TNS3: variants seen among roughly 807,000 people sequenced by gnomAD.
The protein encoded by TNS3 is tensin-3.
TNS3 carries 45 observed loss-of-function variants against 140.9 expected under a neutral mutation model. The ratio of observed to expected loss-of-function variants is 0.32; its 90% CI spans 0.25 to 0.41. The LOEUF is 0.41. TNS3 is among the 10% of genes least tolerant of loss of function. TNS3 has a pLI of 1.00. For missense variants in TNS3, 1,716 were observed against 1,906.7 expected, an observed-to-expected ratio of 0.90 and a Z score of 1.86; for synonymous variants, 815 against 788.4, an observed-to-expected ratio of 1.03 and a Z score of -0.56.
At chr7:47,519,984 T>C (rs892481029) in intron 2 of TNS3, among the ~76,000 whole-genome samples, 1 of 151,680 alleles carries the variant, frequency 6.6e-6, no homozygotes, top group Admixed American at 6.6e-5. Flanking sequence ...CCACCACACC[T>C]GCTAATTTTT....
chr7:47,368,846 C>A lies in TNS3; in HGVS notation c.1800G>T (p.Gln600His), dbSNP rs2293362. ...CCTCCCCATCTGGGGCGAAGCTATA[C>A]TGGTGAGCTACAACCATCTGCTGCT... ...VRQQQMVVAHQYSFAPDGEAR... is the reference protein window; with the variant it reads ...VRQQQMVVAHHYSFAPDGEAR... Residue 600 changes from glutamine (Q) to histidine (H), a missense_variant, in exon 17 of 31, where the codon CAG (glutamine) becomes CAT (histidine). Gln to His is a conservative substitution (Grantham distance 24). Around this residue, in one of 3 missense-constraint regions of TNS3, gnomAD observed 1,163 missense variants for 1,182.1 expected, o/e 0.98. Coordinates refer to ENST00000311160, the MANE Select transcript of TNS3 (RefSeq NM_022748.12). 1 of 1,613,552 alleles carries A rather than the reference C, an allele frequency of 6.2e-7. No homozygotes were observed. Among genetic ancestry groups the A allele is most frequent in the Non-Finnish European group, 8.5e-7 (1 of 1,179,918 alleles).
chr7:47,351,286 T>A (rs1789655926), intron 17 of TNS3, among the ~76,000 whole-genome samples: 1 of 152,218 alleles, frequency 6.6e-6, no homozygotes, highest in South Asian at 2.1e-4. Flanking sequence ...GATAGCCATA[T>A]GAAAATTAAT....
chr7:47,368,620 T>A lies in TNS3; in HGVS notation c.2026A>T (p.Asn676Tyr), dbSNP rs1465605214. ...KPRFPGDQVVNGAGPELSTGP... is the reference protein window; with the variant it reads ...KPRFPGDQVVYGAGPELSTGP... The stretch of plus-strand genomic sequence containing the variant: ...GTGCTCAGCTCTGGGCCGGCTCCAT[T>A]CACAACCTGGTCTCCTGGAAACCTG... The change falls in exon 17 of 31, where the codon AAT (asparagine) becomes TAT (tyrosine). Residue 676 changes from asparagine to tyrosine, a missense_variant. By Grantham distance (143) the Asn-to-Tyr change is moderately radical. Transcript: ENST00000311160. 6.3e-7 allele frequency: 1 copy of A among 1,595,628 alleles called. No individual in the cohort carries two copies. The highest frequency in any genetic ancestry group is 8.5e-7 in the Non-Finnish European group (1 of 1,171,298).
At chr7:47,414,526 T>G (rs111932914) in intron 11 of TNS3, among the ~76,000 whole-genome samples, 6 of 152,190 alleles carry the variant, frequency 3.9e-5, no homozygotes, top group African/African-American at 1.4e-4. Context: ...CCCTCGGCCA[T>G]ATACTCTGTG....
intron 28 of TNS3, among the ~76,000 whole-genome samples, chr7:47,282,012 GCCCTGAGCCTGA>G (rs1363071932): frequency 6.6e-6 from 1 of 150,688 alleles, no homozygotes; most frequent in Non-Finnish European, 1.5e-5. Context: ...GCCTGGCCAT[GCCCTGAGCCTGA>G]CCCTGAGCCC....
At chr7:47,340,112 T>C (rs1262317932) in intron 20 of TNS3, among the ~76,000 whole-genome samples, 1 of 47,558 alleles carries the variant, frequency 2.1e-5, no homozygotes, top group African/African-American at 8.8e-5. Flanking sequence ...TATATATATA[T>C]ATATTTTTTT....
intron 1 of TNS3, among the ~76,000 whole-genome samples, chr7:47,562,906 G>A (rs554508444): frequency 6.6e-6 from 1 of 152,314 alleles, no homozygotes; most frequent in South Asian, 2.1e-4. Context: ...CAAGGCACAC[G>A]GAAGATGGGT....
chr7:47,346,143 G>A (rs116836184), intron 18 of TNS3, 44 bp downstream of exon 18: 2 of 1,603,334 alleles, frequency 1.2e-6, no homozygotes, highest in African/African-American at 1.3e-5. Context: ...ACAAGAAAGG[G>A]AGTGGAATGG....
In TNS3 at chr7:47,369,365, C is replaced by T. The variant is rs1790917153; in HGVS notation, c.1281G>A (p.Gln427=). 1.2e-6 allele frequency: 2 copies of T among 1,614,168 alleles called. No homozygotes were observed. The highest frequency in any genetic ancestry group is 8.5e-7 in the Non-Finnish European group (1 of 1,180,036). ...LSAQEKAELD[Q]LLSGFGLEDP... is the part of the protein sequence containing the mutation. The stretch of plus-strand genomic sequence containing the variant: ...CTTCCAGGCCAAAGCCACTGAGCAG[C>T]TGGTCCAACTCTGCCTTCTCCTGGG... The change falls in exon 17 of 31, where the codon CAG becomes CAA. Residue 427 remains glutamine (Q), a synonymous_variant. Coordinates refer to ENST00000311160, the MANE Select transcript of TNS3 (RefSeq NM_022748.12).
intron 3 of TNS3, among the ~76,000 whole-genome samples, chr7:47,487,075 G>T (rs1797639041): frequency 6.6e-6 from 1 of 152,158 alleles, no homozygotes; most frequent in Non-Finnish European, 1.5e-5. Flanking sequence ...CAGATGGGCG[G>T]ATCACCTGAG....
chr7:47,363,820 G>A (rs774027222), intron 17 of TNS3, among the ~76,000 whole-genome samples: 1 of 152,218 alleles, frequency 6.6e-6, no homozygotes, highest in Non-Finnish European at 1.5e-5. Context: ...GCCCCTTGCA[G>A]GGTTAGGTGA....
At chr7:47,565,366 C>T (rs1051343186) in intron 1 of TNS3, among the ~76,000 whole-genome samples, 11 of 149,936 alleles carry the variant, frequency 7.3e-5, no homozygotes, top group African/African-American at 2.5e-4. Context: ...TGAGCCACCG[C>T]GCCCGGCCTT....
chr7:47,429,516 C>T (rs965159902), intron 8 of TNS3, among the ~76,000 whole-genome samples: 2 of 152,190 alleles, frequency 1.3e-5, no homozygotes, highest in Admixed American at 6.5e-5. Flanking sequence ...TACAGGCGCC[C>T]GCCACCATAC....
chr7:47,564,634 T>TGAAAA (rs1800386158), intron 1 of TNS3, among the ~76,000 whole-genome samples: 1 of 8,714 alleles, frequency 1.1e-4, no homozygotes, highest in Non-Finnish European at 3.3e-4. Flanking sequence ...AGACTCCGTC[T>TGAAAA]CAAAAAAAAA....
chr7:47,357,393 C>T (rs1316874693), intron 17 of TNS3, among the ~76,000 whole-genome samples: 1 of 152,128 alleles, frequency 6.6e-6, no homozygotes, highest in Non-Finnish European at 1.5e-5. Context: ...CACACACACA[C>T]ACTAATCTTT....
At chr7:47,454,816 G>A (rs367596103) in intron 4 of TNS3, among the ~76,000 whole-genome samples, 4 of 152,322 alleles carry the variant, frequency 2.6e-5, no homozygotes, top group African/African-American at 4.8e-5. Flanking sequence ...TAGCAAGGGC[G>A]GCCTGGGAGG....
intron 3 of TNS3, among the ~76,000 whole-genome samples, chr7:47,484,075 C>T (rs1481283975): frequency 1.3e-5 from 2 of 152,242 alleles, no homozygotes; most frequent in Non-Finnish European, 2.9e-5. Context: ...TGCCCTGAGC[C>T]TCCACATTCG....
At chr7:47,481,680 G>A (rs1562791264) in intron 3 of TNS3, 6 of 985,394 alleles carry the variant, frequency 6.1e-6, no homozygotes, top group East Asian at 1.1e-4. Context: ...CACAAGAGAC[G>A]GGGAGAGGAG....
rs1471636215 is a variant in TNS3, at chr7:47,581,407, C to CAAAGGG, written c.-265+638_-265+643dup. 7.2e-5 allele frequency: 11 copies of CAAAGGG among 152,054 alleles called. No individual in the cohort carries two copies. In the East Asian group the frequency reaches 2.2e-3, roughly 30 times the overall value. 9.4% of individuals were successfully genotyped at this position (152,054 alleles called of 1,614,324 possible). A position where few individuals can be genotyped will look rare whatever the true frequency, so the allele number is the denominator to read the frequency against. ...TAAAGACCCCCTGCCTCCCACCCAC[C>CAAAGGG]AAAGGGAAAGGGAAAGAGACGCACT... On this transcript the variant is annotated intron_variant, in intron 1 of 30. Transcript: ENST00000311160.
Sources: allele counts gnomAD v4.1 joint callset (sites outside exome capture counted in the v4.1 genomes callset), GRCh38; gene constraint gnomAD v4.1.1; regional missense constraint gnomAD v4.1.1; transcripts MANE v1.5; gene names NCBI Gene and HGNC (gene_info 2026-07-23, HGNC 2026-07-21).